CSMD3: variants seen among roughly 807,000 people sequenced by gnomAD.
CSMD3 encodes CUB and sushi domain-containing protein 3.
CSMD3 carries 177 observed loss-of-function variants against 435.2 expected under a neutral mutation model. The observed-to-expected ratio is 0.41, with a 90% CI of 0.36 to 0.46. CSMD3 has a LOEUF of 0.46. CSMD3 is among the 20% of genes least tolerant of loss of function. CSMD3 has a pLI of 0.34. For missense variants in CSMD3, 4,265 were observed against 4,504.6 expected, an observed-to-expected ratio of 0.95 and a Z score of 1.52; for synonymous variants, 1,656 against 1,520.5, an observed-to-expected ratio of 1.09 and a Z score of -2.07.
At chr8:113,086,189 A>C (rs2174300) in intron 5 of CSMD3, among the ~76,000 whole-genome samples, 102,146 of 150,402 alleles carry the variant, frequency 0.68, 36,504 homozygotes, top group East Asian at 0.95. Flanking sequence ...GCGGAGCTTG[A>C]AGTGAGCCGA....
intron 38 of CSMD3, among the ~76,000 whole-genome samples, chr8:112,370,645 G>T (rs1401776994): frequency 6.6e-6 from 1 of 152,062 alleles, no homozygotes; most frequent in Non-Finnish European, 1.5e-5. Flanking sequence ...TTGCTCAAAT[G>T]TCACAGTCTC....
At chr8:112,243,680 G>A (rs2130094913) in intron 65 of CSMD3, among the ~76,000 whole-genome samples, 1 of 152,190 alleles carries the variant, frequency 6.6e-6, no homozygotes, top group Non-Finnish European at 1.5e-5. Flanking sequence ...AGGCATTAGG[G>A]TAGCAATTCT....
chr8:112,368,091 C>T (rs4876470), intron 38 of CSMD3, among the ~76,000 whole-genome samples: 59,928 of 151,980 alleles, frequency 0.39, 13,290 homozygotes, highest in Middle Eastern at 0.54. Context: ...AGTCTGACTC[C>T]AGAGTAAATG....
chr8:113,426,144 C>A (rs1361184236), intron 1 of CSMD3, among the ~76,000 whole-genome samples: 1 of 151,304 alleles, frequency 6.6e-6, no homozygotes, highest in Non-Finnish European at 1.5e-5. Context: ...CATATGCAGC[C>A]TTTAGCAACA....
intron 5 of CSMD3, among the ~76,000 whole-genome samples, chr8:113,071,930 T>C (rs1293477228): frequency 6.6e-6 from 1 of 151,864 alleles, no homozygotes; most frequent in Non-Finnish European, 1.5e-5. Flanking sequence ...ATATTTGCTG[T>C]TTCAATTCAT....
At chr8:113,203,686 C>A (rs1003492190) in intron 3 of CSMD3, among the ~76,000 whole-genome samples, 4 of 151,978 alleles carry the variant, frequency 2.6e-5, no homozygotes, top group Non-Finnish European at 5.9e-5. Flanking sequence ...TTCCTCAGTC[C>A]AGCTCCATCA....
At chr8:113,258,467 A>G (rs2093401733) in intron 3 of CSMD3, among the ~76,000 whole-genome samples, 1 of 152,146 alleles carries the variant, frequency 6.6e-6, no homozygotes, top group African/African-American at 2.4e-5. Context: ...CAATGTAACC[A>G]AGTTTCATGT....
intron 5 of CSMD3, among the ~76,000 whole-genome samples, chr8:113,079,655 C>T (rs956368546): frequency 6.6e-6 from 1 of 152,050 alleles, no homozygotes; most frequent in Non-Finnish European, 1.5e-5. Flanking sequence ...AGACATGATA[C>T]AGATAAGGAA....
intron 32 of CSMD3, among the ~76,000 whole-genome samples, chr8:112,470,540 T>C (rs1403261193): frequency 2.0e-5 from 3 of 152,120 alleles, no homozygotes; most frequent in Non-Finnish European, 1.5e-5. Flanking sequence ...TAAGTTAAGT[T>C]GAGCCTGAAC....
intron 4 of CSMD3, among the ~76,000 whole-genome samples, chr8:113,132,195 A>G (rs2091300554): frequency 6.6e-6 from 1 of 152,184 alleles, no homozygotes; most frequent in South Asian, 2.1e-4. Flanking sequence ...GCCTCAGATG[A>G]CACTTTGGAC....
chr8:113,258,271 T>A (rs182531669), intron 3 of CSMD3, among the ~76,000 whole-genome samples: 1 of 152,354 alleles, frequency 6.6e-6, no homozygotes, highest in East Asian at 1.9e-4. Flanking sequence ...ATGCCATTTT[T>A]ACTAGTAGAA....
chr8:112,471,755 T>C (rs1411599699), intron 32 of CSMD3, among the ~76,000 whole-genome samples: 1 of 152,200 alleles, frequency 6.6e-6, no homozygotes, highest in African/African-American at 2.4e-5. Flanking sequence ...CTTCTGCTGA[T>C]ATACTGAGTC....
At chr8:112,978,688 A>G (rs1413479567) in intron 6 of CSMD3, among the ~76,000 whole-genome samples, 1 of 152,014 alleles carries the variant, frequency 6.6e-6, no homozygotes, top group African/African-American at 2.4e-5. Context: ...TAATCTAACC[A>G]GATATGTATT....
intron 3 of CSMD3, among the ~76,000 whole-genome samples, chr8:113,278,179 T>C (rs1291416368): frequency 6.6e-6 from 1 of 151,908 alleles, no homozygotes; most frequent in Non-Finnish European, 1.5e-5. Flanking sequence ...GTTTCAGGAG[T>C]AGATGTCAAC....
intron 13 of CSMD3, among the ~76,000 whole-genome samples, chr8:112,724,364 T>C (rs2076922526): frequency 6.6e-6 from 1 of 152,052 alleles, no homozygotes; most frequent in African/African-American, 2.4e-5. Context: ...GACCAAGATA[T>C]TAGCAGTAGA....
intron 5 of CSMD3, among the ~76,000 whole-genome samples, chr8:113,030,611 G>A (rs1017793416): frequency 5.3e-5 from 8 of 150,818 alleles, no homozygotes; most frequent in African/African-American, 1.9e-4. Context: ...CTTGAGTTAG[G>A]TGAAGTTTCA....
intron 3 of CSMD3, among the ~76,000 whole-genome samples, chr8:113,182,091 T>C (rs1055333155): frequency 2.6e-5 from 4 of 152,066 alleles, no homozygotes; most frequent in African/African-American, 4.8e-5. Context: ...GTATAAAATA[T>C]GGCATGACAC....
intron 32 of CSMD3, among the ~76,000 whole-genome samples, chr8:112,434,401 A>G (rs1249534552): frequency 1.3e-5 from 2 of 152,092 alleles, no homozygotes; most frequent in South Asian, 2.1e-4. Context: ...CTAATTTGCT[A>G]TCATCATCAT....
intron 1 of CSMD3, among the ~76,000 whole-genome samples, chr8:113,390,833 A>G (rs2094458412): frequency 6.6e-6 from 1 of 151,954 alleles, no homozygotes; most frequent in Non-Finnish European, 1.5e-5. Context: ...TTATTTCTCA[A>G]AATGTATCAT....
Sources: allele counts gnomAD v4.1 joint callset (sites outside exome capture counted in the v4.1 genomes callset), GRCh38; gene constraint gnomAD v4.1.1; transcripts MANE v1.5; gene names NCBI Gene and HGNC (gene_info 2026-07-23, HGNC 2026-07-21).